The following BDH1 variants were observed in gnomAD, a reference collection of about 807,000 sequenced individuals.
BDH1 encodes the protein D-beta-hydroxybutyrate dehydrogenase, mitochondrial.
In BDH1, 30 loss-of-function variants were observed where a neutral mutation model predicts 33.1. That is an observed-to-expected ratio of 0.91 (90% CI 0.68 to 1.23). The LOEUF (loss-of-function observed/expected upper bound fraction) is 1.23, where lower values mean the gene tolerates loss of function less well. BDH1 is among the 50% of genes most tolerant of loss of function. BDH1 has a pLI of 0.00. For missense variants in BDH1, 443 were observed against 464.4 expected (o/e 0.95, Z 0.42); for synonymous variants, 190 against 183.6 (o/e 1.03, Z -0.28).
rs777558362 is a variant in BDH1 at position 197,522,663 on chromosome 3, G to A, written c.386C>T (p.Ser129Leu). The part of the protein sequence containing the change: ...EVEKVVEIVR[S>L]SLKDPEKGMW... ...ACCTTTCTCAGGGTCCTTCAGGCTC[G>A]AGCGGACAATCTCCACCACTTTCTC... Residue 129 changes from serine (S) to leucine (L), a missense_variant, in exon 6 of 8, where the codon TCG (serine) becomes TTG (leucine). By Grantham distance (145) the Ser-to-Leu change is moderately radical. Coordinates refer to ENST00000392379, the MANE Select transcript of BDH1 (RefSeq NM_203314.3). This position sits in a 1 kb window ranked among gnomAD's most constrained non-coding sequence, Gnocchi z 4.8. 61 of 1,614,002 alleles carry A rather than the reference G, an allele frequency of 3.8e-5. No individual in the cohort carries two copies. Among genetic ancestry groups the A allele is most frequent in the Non-Finnish European group, 4.4e-5 (52 of 1,180,030 alleles).
Position 197,511,721 on chromosome 3 carries a change from C to A in BDH1, c.*174G>T, listed in dbSNP as rs1378327291. 4.8e-6 allele frequency: 3 copies of A among 629,984 alleles called. No homozygotes were observed. The highest frequency in any genetic ancestry group is 7.8e-6 in the Non-Finnish European group (3 of 383,406). 39.0% of individuals were successfully genotyped at this position (629,984 alleles called of 1,614,324 possible). Reference sequence around the variant, plus strand: ...ACTCCACACCCTGTTTGTGAAGGCCCAAGTCACTCACTATGCAAAGAAGTC... The same window carrying A: ...ACTCCACACCCTGTTTGTGAAGGCCAAAGTCACTCACTATGCAAAGAAGTC... On this transcript the variant is annotated 3_prime_UTR_variant, in exon 8 of 8. Coordinates refer to ENST00000392379, the MANE Select transcript of BDH1 (RefSeq NM_203314.3).
chr3:197,544,235 G>T (rs115044848), intron 3 of BDH1, among the ~76,000 whole-genome samples: 1 of 152,008 alleles, frequency 6.6e-6, no homozygotes, highest in Non-Finnish European at 1.5e-5. Flanking sequence ...TTCACCCTAC[G>T]ACATTGACTC....
At chr3:197,527,520 T>C (rs890015894) in intron 5 of BDH1, among the ~76,000 whole-genome samples, 3 of 152,104 alleles carry the variant, frequency 2.0e-5, no homozygotes, top group Admixed American at 1.3e-4. Flanking sequence ...CTGCCCCCAT[T>C]TCGCAGGGAG....
intron 2 of BDH1, among the ~76,000 whole-genome samples, chr3:197,549,944 T>C (rs928711149): frequency 6.0e-5 from 9 of 150,400 alleles, no homozygotes; most frequent in African/African-American, 1.7e-4. Context: ...TGACCATATA[T>C]ATCTATATAT....
chr3:197,539,392 A>C lies in BDH1; in HGVS notation c.84-5831T>G, dbSNP rs555268257. On this transcript the variant is annotated intron_variant, in intron 3 of 7. Transcript: ENST00000392379. The stretch of plus-strand genomic sequence containing the variant: ...TGACCTCAGGTGTTCCGCCCACCTC[A>C]GCCTCCCAAAGTGCTGGGATTACAG... Among the ~76,000 whole-genome samples, 9 of 152,190 alleles carry C rather than the reference A, an allele frequency of 5.9e-5. 1 individual carries two copies. The South Asian group carries it at 1.9e-3, about 32-fold the overall frequency.
At chr3:197,527,546 C>T (rs773675962) in intron 5 of BDH1, among the ~76,000 whole-genome samples, 1 of 152,148 alleles carries the variant, frequency 6.6e-6, no homozygotes, top group East Asian at 1.9e-4. Context: ...GTTCATCTTT[C>T]CAGATGGTGG....
intron 1 of BDH1, among the ~76,000 whole-genome samples, chr3:197,567,609 G>A (rs779291958): frequency 1.3e-5 from 2 of 152,094 alleles, no homozygotes; most frequent in Non-Finnish European, 1.5e-5. Flanking sequence ...ACCACCTTGG[G>A]CACATGTCGT....
intron 1 of BDH1, among the ~76,000 whole-genome samples, chr3:197,565,172 T>C (rs1265383624): frequency 3.9e-5 from 6 of 152,228 alleles, no homozygotes; most frequent in African/African-American, 1.4e-4. Flanking sequence ...CCCACCTGCC[T>C]TGGCCTCCCA....
At chr3:197,552,365 G>A (rs1716649206) in intron 2 of BDH1, among the ~76,000 whole-genome samples, 1 of 152,120 alleles carries the variant, frequency 6.6e-6, no homozygotes, top group African/African-American at 2.4e-5. Context: ...TCCAGATTCT[G>A]GTCAACACAG....
chr3:197,511,741 G>T lies in BDH1; in HGVS notation c.*154C>A. 1.4e-6 allele frequency: 1 copy of T among 725,792 alleles called. No individual in the cohort carries two copies. The allele number at this position is 725,792 out of a possible 1,614,324, so 45.0% of individuals were successfully genotyped here. A position where few individuals can be genotyped will look rare whatever the true frequency, so the allele number is the denominator to read the frequency against. On this transcript the variant is annotated 3_prime_UTR_variant, in exon 8 of 8. Coordinates refer to ENST00000392379, the MANE Select transcript of BDH1 (RefSeq NM_203314.3). ...AGGCCCAAGTCACTCACTATGCAAA[G>T]AAGTCATTCCCTCTAGTTAGTGTTA...
At chr3:197,534,785 A>G (rs1347954656) in intron 3 of BDH1, among the ~76,000 whole-genome samples, 1 of 152,212 alleles carries the variant, frequency 6.6e-6, no homozygotes, top group Non-Finnish European at 1.5e-5. Flanking sequence ...AAACTGTATC[A>G]TGATATTTCG....
intron 1 of BDH1, among the ~76,000 whole-genome samples, chr3:197,567,982 TCA>T (rs879380850): frequency 2.0e-5 from 3 of 152,180 alleles, no homozygotes; most frequent in Non-Finnish European, 2.9e-5. Context: ...GCCTGCTAGC[TCA>T]CACTCTCCTC....
In BDH1 at chr3:197,533,514, C is replaced by A. The variant is rs60309541; in HGVS notation, c.131G>T (p.Arg44Leu). Residue 44 changes from arginine (R) to leucine (L), a missense_variant, in exon 4 of 8, where the codon CGG becomes CTG. Arg to Leu is a moderately radical substitution (Grantham distance 102). Transcript: ENST00000392379. Reference sequence around the variant, plus strand: ...CGGCTCCGCCGCACTGGCATAAGTCCGACGGCCAATCGGGATAAAGGAAGT... The same window carrying A: ...CGGCTCCGCCGCACTGGCATAAGTCAGACGGCCAATCGGGATAAAGGAAGT... ...GSTSFIPIGR[R>L]TYASAAEPVG... is the part of the protein sequence containing the mutation. 1.0e-4 allele frequency: 166 copies of A among 1,614,226 alleles called. No homozygotes were observed. The South Asian group carries it at 1.7e-3, about 16-fold the overall frequency.
chr3:197,567,866 T>C (rs1382562572), intron 1 of BDH1, among the ~76,000 whole-genome samples: 1 of 152,140 alleles, frequency 6.6e-6, no homozygotes, highest in Non-Finnish European at 1.5e-5. Context: ...GGGTTCAGGA[T>C]AGGCTTTGTA....
rs1560299654 is a variant in BDH1, at chr3:197,512,101, A to G, written c.826T>C (p.Tyr276His). Residue 276 changes from tyrosine to histidine, a missense_variant, in exon 8 of 8, where the codon TAC (tyrosine) becomes CAC (histidine). Tyr to His is a moderately conservative substitution (Grantham distance 83). Transcript: ENST00000392379. ...ATCTTGGCGATCTTTTCATCAAAGT[A>G]CTTCTTGCCGTAGTCCTTGCGCACG... ...EVVRKDYGKK[Y>H]FDEKIAKMET... 2 of 1,614,110 alleles carry G rather than the reference A, an allele frequency of 1.2e-6. No individual in the cohort carries two copies. Among genetic ancestry groups the G allele is most frequent in the Non-Finnish European group, 1.7e-6 (2 of 1,180,026 alleles).
rs1046444650 is a variant in BDH1 at position 197,520,139 on chromosome 3, A to T, written c.409+2501T>A. Among the ~76,000 whole-genome samples the T allele has an allele frequency of 6.6e-6, 1 of 152,170 alleles. No homozygotes were observed. Among genetic ancestry groups the T allele is most frequent in the African/African-American group, 2.4e-5 (1 of 41,450 alleles). On this transcript the variant is annotated intron_variant, in intron 6 of 7. Coordinates refer to ENST00000392379, the MANE Select transcript of BDH1 (RefSeq NM_203314.3). The surrounding 1 kb of genome is among the most constrained non-coding windows in gnomAD (Gnocchi z 6.0). ...GGAATTGCCAAGGCAAGGCCAAGAC[A>T]TGGCAGAGTGGCAGAGTGTGGAGGG...
At chr3:197,570,075 G>C (rs929581190) in intron 1 of BDH1, among the ~76,000 whole-genome samples, 1 of 152,196 alleles carries the variant, frequency 6.6e-6, no homozygotes, top group African/African-American at 2.4e-5. Context: ...TGGAGATGAG[G>C]CACTTGGGAA....
At chr3:197,559,285 C>T (rs2108772199), upstream of BDH1, among the ~76,000 whole-genome samples, 1 of 152,290 alleles carries the variant, frequency 6.6e-6, no homozygotes, top group Middle Eastern at 3.4e-3. Flanking sequence ...CAGGCATGAG[C>T]CACCATGCTC....
chr3:197,546,447 A>T lies in BDH1; in HGVS notation c.-4T>A. The T allele has an allele frequency of 6.2e-7, 1 of 1,613,970 alleles. No homozygotes were observed. The highest frequency in any genetic ancestry group is 8.5e-7 in the Non-Finnish European group (1 of 1,179,944). ...TGGAGAGGCGGGTGGCCAGCATGGT[A>T]GCAACGGGTGTTAGAATGGCCCAGT... On this transcript the variant is annotated 5_prime_UTR_variant, in exon 3 of 8. Coordinates refer to ENST00000392379, the MANE Select transcript of BDH1 (RefSeq NM_203314.3).
Sources: allele counts gnomAD v4.1 joint callset (sites outside exome capture counted in the v4.1 genomes callset), GRCh38; gene constraint gnomAD v4.1.1; non-coding constraint Gnocchi (gnomAD v3.1); transcripts MANE v1.5; gene names NCBI Gene and HGNC (gene_info 2026-07-23, HGNC 2026-07-21).